The following SPTLC1 variants were observed in gnomAD, a reference collection of about 807,000 sequenced individuals.
SPTLC1 encodes serine palmitoyltransferase long chain base subunit 1, also known as serine palmitoyltransferase 1.
A neutral mutation model predicts 68.9 loss-of-function variants in SPTLC1; 55 were observed. The observed-to-expected ratio is 0.80, with a 90% CI of 0.64 to 1.00. The LOEUF (loss-of-function observed/expected upper bound fraction) is 1.00. SPTLC1 is among the 50% of genes least tolerant of loss of function. The pLI, the probability that SPTLC1 is intolerant of heterozygous loss-of-function variation, is 0.00. For synonymous variants in SPTLC1, 197 were observed against 201.6 expected, an observed-to-expected ratio of 0.98 and a Z score of 0.19; for missense variants, 449 against 573.1, an observed-to-expected ratio of 0.78 and a Z score of 2.21.
At chr9:92,046,404 T>C (rs76163929) in intron 11 of SPTLC1, 11,694 of 220,978 alleles carry the variant, frequency 0.053, 391 homozygotes, top group Middle Eastern at 0.076. Context: ...AAATCAACTA[T>C]AGTAAAGTAA....
chr9:92,042,767 A>G (rs749721700), intron 12 of SPTLC1, among the ~76,000 whole-genome samples: 33 of 152,232 alleles, frequency 2.2e-4, no homozygotes, highest in Admixed American at 6.5e-4. Context: ...CCTGTATTCC[A>G]AAACAGTGAT....
chr9:92,098,875 G>A (rs1441887769), intron 3 of SPTLC1, among the ~76,000 whole-genome samples: 1 of 149,182 alleles, frequency 6.7e-6, no homozygotes, highest in Non-Finnish European at 1.5e-5. Flanking sequence ...AACCAGTCAG[G>A]AGTGGAGCAG....
In SPTLC1 at chr9:92,088,090, C is replaced by T. The variant is rs142405254; in HGVS notation, c.261-7127G>A. Among the ~76,000 whole-genome samples, 403 of 152,330 alleles carry T rather than the reference C, an allele frequency of 2.6e-3. 2 individuals are homozygous for T. Among genetic ancestry groups the T allele is most frequent in the African/African-American group, 9.0e-3 (373 of 41,582 alleles). On this transcript the variant is annotated intron_variant, in intron 3 of 14. Coordinates refer to ENST00000262554, the MANE Select transcript of SPTLC1 (RefSeq NM_006415.4). ...ATCTCCTGGTGGGCCGTTTTTTAAG[C>T]GTGTCGGAAAAGCGCAGTATTAGGG...
chr9:92,080,139 A>G (rs763821296), intron 4 of SPTLC1, 51 bp from the exon 5 acceptor site: 1 of 1,460,318 alleles, frequency 6.8e-7, no homozygotes, highest in East Asian at 2.3e-5. Flanking sequence ...TTAAGAGTTC[A>G]AAACAAACAT....
intron 7 of SPTLC1, among the ~76,000 whole-genome samples, chr9:92,057,916 C>A (rs972205000): frequency 4.6e-5 from 7 of 152,120 alleles, no homozygotes; most frequent in African/African-American, 1.4e-4. Flanking sequence ...AAAAAAAGTT[C>A]TATGGCTTAC....
At chr9:92,081,354 C>G (rs555284928) in intron 3 of SPTLC1, among the ~76,000 whole-genome samples, 78 of 152,240 alleles carry the variant, frequency 5.1e-4, no homozygotes, top group Middle Eastern at 3.4e-3. Context: ...CAAGAATAGG[C>G]AGAGTGAGTT....
intron 12 of SPTLC1, among the ~76,000 whole-genome samples, chr9:92,043,695 G>A (rs1428417064): frequency 6.6e-6 from 1 of 152,206 alleles, no homozygotes; most frequent in African/African-American, 2.4e-5. Flanking sequence ...TCCCAACATG[G>A]TCAGAGTCAC....
Position 92,051,043 on chromosome 9 carries a change from A to T in SPTLC1, c.781-976T>A, listed in dbSNP as rs1020065948. ...TTTAGTTTCGTATCTGTCCATTAGC[A>T]CTGCTTCATTACTGTAGCCCTATAA... is the stretch of plus-strand genomic sequence containing the variant. On this transcript the variant is annotated intron_variant, in intron 8 of 14. Transcript: ENST00000262554. 5 of 985,230 alleles carry T rather than the reference A, an allele frequency of 5.1e-6. No individual in the cohort carries two copies. The African/African-American group carries it at 8.7e-5, about 17-fold the overall frequency. The allele number at this position is 985,230 out of a possible 1,614,324, so 61.0% of individuals were successfully genotyped here. A position where few individuals can be genotyped will look rare whatever the true frequency, so the allele number is the denominator to read the frequency against.
chr9:92,043,441 C>T (rs555132199), intron 12 of SPTLC1, among the ~76,000 whole-genome samples: 1 of 152,340 alleles, frequency 6.6e-6, no homozygotes, highest in South Asian at 2.1e-4. Context: ...TGCTGCTCTG[C>T]ACTCCATGTC....
intron 5 of SPTLC1, among the ~76,000 whole-genome samples, chr9:92,075,586 C>CT (rs1379628443): frequency 6.6e-6 from 1 of 152,218 alleles, no homozygotes; most frequent in Non-Finnish European, 1.5e-5. Flanking sequence ...ATTCAAACAG[C>CT]TTAATCTTAC....
intron 3 of SPTLC1, among the ~76,000 whole-genome samples, chr9:92,093,745 C>T (rs541083209): frequency 1.8e-4 from 28 of 152,248 alleles, no homozygotes; most frequent in African/African-American, 6.5e-4. Context: ...TAAAATTCCA[C>T]CAGGATTTCT....
At chr9:92,112,186 C>G (rs1836274659) in intron 2 of SPTLC1, among the ~76,000 whole-genome samples, 1 of 152,180 alleles carries the variant, frequency 6.6e-6, no homozygotes, top group African/African-American at 2.4e-5. Flanking sequence ...CCAGTAGTTG[C>G]CCATGCTTCC....
intron 14 of SPTLC1, among the ~76,000 whole-genome samples, chr9:92,034,358 A>C (rs906447756): frequency 3.3e-5 from 5 of 152,262 alleles, no homozygotes; most frequent in African/African-American, 1.2e-4. Context: ...TTGATGCTGT[A>C]CATTTTCCCC....
intron 3 of SPTLC1, among the ~76,000 whole-genome samples, chr9:92,091,428 A>G (rs1835358081): frequency 6.6e-6 from 1 of 152,240 alleles, no homozygotes; most frequent in African/African-American, 2.4e-5. Flanking sequence ...TAAATTTTTC[A>G]ATGCTTCTAA....
At chr9:92,109,279 G>A (rs1836134311) in intron 2 of SPTLC1, 1 of 180,360 alleles carries the variant, frequency 5.5e-6, no homozygotes, top group Non-Finnish European at 1.2e-5. Flanking sequence ...TATCTCAGAA[G>A]TATCCTTCTT....
intron 7 of SPTLC1, among the ~76,000 whole-genome samples, chr9:92,058,226 G>C (rs1833963423): frequency 6.6e-6 from 1 of 151,432 alleles, no homozygotes; most frequent in East Asian, 1.9e-4. Context: ...ATGAGAATGT[G>C]TATATTCATG....
chr9:92,072,698 T>G (rs887125538), intron 5 of SPTLC1, among the ~76,000 whole-genome samples: 1 of 152,118 alleles, frequency 6.6e-6, no homozygotes, highest in Non-Finnish European at 1.5e-5. Context: ...CAATATAAAT[T>G]AGACAATGGC....
chr9:92,099,627 A>G (rs1173678152), intron 3 of SPTLC1, among the ~76,000 whole-genome samples: 1 of 151,940 alleles, frequency 6.6e-6, no homozygotes, highest in Non-Finnish European at 1.5e-5. Context: ...CTATAGGCCT[A>G]TATTACCACA....
In SPTLC1 at chr9:92,031,981, G is replaced by A. The variant is rs1832978808; in HGVS notation, c.*484C>T. The A allele has an allele frequency of 3.3e-6, 1 of 299,026 alleles. No individual in the cohort carries two copies. Among genetic ancestry groups the A allele is most frequent in the Admixed American group, 4.6e-5 (1 of 21,550 alleles). The allele number at this position is 299,026 out of a possible 1,614,324, so 18.5% of individuals were successfully genotyped here. ...CACAACGAAGACTGGAAAATACGTG[G>A]TTTATTTAGATCTTCAATATAAATT... is the stretch of plus-strand genomic sequence containing the variant. On this transcript the variant is annotated 3_prime_UTR_variant, in exon 15 of 15. Coordinates refer to ENST00000262554, the MANE Select transcript of SPTLC1 (RefSeq NM_006415.4).
Sources: gnomAD v4.1 joint callset for allele counts (sites outside exome capture counted in the v4.1 genomes callset) on GRCh38, gnomAD v4.1.1 for gene constraint, MANE v1.5 for transcripts, NCBI Gene and HGNC (gene_info 2026-07-23, HGNC 2026-07-21) for gene names.